SUCLG2: variants seen among roughly 807,000 people sequenced by gnomAD.
The protein encoded by SUCLG2 is succinate-CoA ligase GDP-forming subunit beta, also known as succinate--CoA ligase [GDP-forming] subunit beta, mitochondrial.
SUCLG2 carries 42 observed loss-of-function variants against 47.9 expected under a neutral mutation model. That is an observed-to-expected ratio of 0.88 (90% CI 0.69 to 1.14). The LOEUF (loss-of-function observed/expected upper bound fraction) is 1.14, where lower values mean the gene tolerates loss of function less well. Ranked by LOEUF, SUCLG2 falls within the 50% of genes most tolerant of loss-of-function variation. The pLI, the probability that SUCLG2 is intolerant of heterozygous loss-of-function variation, is 0.00. For missense variants in SUCLG2, 571 were observed against 525.9 expected (o/e 1.09, Z -0.84); for synonymous variants, 195 against 197.3 (o/e 0.99, Z 0.10).
At chr3:67,508,950 A>C (rs1559552276) in intron 6 of SUCLG2, 47 bp from the exon 7 acceptor site, 1 of 1,435,924 alleles carries the variant, frequency 7.0e-7, no homozygotes, top group Non-Finnish European at 9.5e-7. Flanking sequence ...CAGTAAAAGA[A>C]AATTTATTTT....
At chr3:67,429,205 A>G (rs968946624) in intron 9 of SUCLG2, among the ~76,000 whole-genome samples, 4 of 152,200 alleles carry the variant, frequency 2.6e-5, no homozygotes, top group Non-Finnish European at 4.4e-5. Context: ...CAGAGAGAAA[A>G]GTCGGGTTAT....
intron 2 of SUCLG2, among the ~76,000 whole-genome samples, chr3:67,584,800 G>C (rs1707970574): frequency 6.6e-6 from 1 of 152,286 alleles, no homozygotes; most frequent in African/African-American, 2.4e-5. Flanking sequence ...GCAGGAAGGG[G>C]AAGTGCCGGG....
intron 2 of SUCLG2, among the ~76,000 whole-genome samples, chr3:67,536,673 C>A (rs778050121): frequency 2.0e-5 from 3 of 152,234 alleles, no homozygotes; most frequent in Non-Finnish European, 4.4e-5. Flanking sequence ...TCCAGACAGC[C>A]AATGCAGACT....
intron 10 of SUCLG2, among the ~76,000 whole-genome samples, 176 bp downstream of exon 10, chr3:67,400,554 TA>T (rs1702658898): frequency 6.6e-6 from 1 of 152,104 alleles, no homozygotes; most frequent in Non-Finnish European, 1.5e-5. Context: ...CTTGGAGAGC[TA>T]AAAGCCACAT....
At chr3:67,420,123 C>G (rs13069691) in intron 9 of SUCLG2, among the ~76,000 whole-genome samples, 5,098 of 152,070 alleles carry the variant, frequency 0.034, 105 homozygotes, top group African/African-American at 0.057. Context: ...TACTTGCCAT[C>G]CTAAATTCAG....
intron 2 of SUCLG2, among the ~76,000 whole-genome samples, chr3:67,591,140 GT>G (rs1405470660): frequency 1.3e-5 from 2 of 152,178 alleles, no homozygotes; most frequent in African/African-American, 2.4e-5. Context: ...CCCTGGGGCT[GT>G]TTTAGATCTC....
chr3:67,373,728 CGTTT>C (rs1575653875), downstream of SUCLG2, among the ~76,000 whole-genome samples: 1 of 152,018 alleles, frequency 6.6e-6, no homozygotes, highest in African/African-American at 2.4e-5. Context: ...CTCTTTCTTT[CGTTT>C]ATTTGCTCAT....
Position 67,495,848 on chromosome 3 carries a change from T to G in SUCLG2, c.1012A>C (p.Lys338Gln). The change falls in exon 9 of 11, where the codon AAG becomes CAG. Residue 338 changes from lysine to glutamine, a missense_variant. By Grantham distance (53) the Lys-to-Gln change is moderately conservative. Transcript: ENST00000307227. Reference protein sequence around the residue: ...ANFLDLGGGVKEAQVYQAFKL... With the variant: ...ANFLDLGGGVQEAQVYQAFKL... ...AATGCTTGATATACTTGAGCTTCCT[T>G]TACACCACCTCCAAGATCCAAGAAG... 1 of 1,613,964 alleles carries G rather than the reference T, an allele frequency of 6.2e-7. No homozygotes were observed. Among genetic ancestry groups the G allele is most frequent in the Non-Finnish European group, 8.5e-7 (1 of 1,179,944 alleles).
At chr3:67,614,338 A>G (rs562427478) in intron 1 of SUCLG2, among the ~76,000 whole-genome samples, 1 of 151,690 alleles carries the variant, frequency 6.6e-6, no homozygotes, top group Non-Finnish European at 1.5e-5. Flanking sequence ...GTGTAACAGC[A>G]TCTCCTCTGA....
At chr3:67,417,513 G>A (rs766329336) in intron 9 of SUCLG2, among the ~76,000 whole-genome samples, 6 of 152,148 alleles carry the variant, frequency 3.9e-5, no homozygotes, top group Non-Finnish European at 7.3e-5. Flanking sequence ...ATAATGGTGC[G>A]ACACGATGCC....
chr3:67,545,662 C>A (rs1706843538), intron 2 of SUCLG2, among the ~76,000 whole-genome samples: 1 of 152,092 alleles, frequency 6.6e-6, no homozygotes, highest in African/African-American at 2.4e-5. Flanking sequence ...ATTTCCTTTT[C>A]TCTTTATGCC....
chr3:67,641,160 G>GC (rs1207199488), intron 1 of SUCLG2, among the ~76,000 whole-genome samples: 1 of 152,144 alleles, frequency 6.6e-6, no homozygotes, highest in South Asian at 2.1e-4. Context: ...ATAAACCTGT[G>GC]CCCCTTTCCT....
At chr3:67,444,139 T>G (rs1267186902) in intron 9 of SUCLG2, among the ~76,000 whole-genome samples, 1 of 44,494 alleles carries the variant, frequency 2.2e-5, no homozygotes, top group African/African-American at 7.2e-5. Flanking sequence ...TGGCCAGCCG[T>G]GCCGTCCGGG....
intron 1 of SUCLG2, among the ~76,000 whole-genome samples, chr3:67,650,045 C>T (rs893139321): frequency 2.6e-5 from 4 of 152,212 alleles, no homozygotes; most frequent in Admixed American, 6.5e-5. Flanking sequence ...TATCACTTAA[C>T]GGTCTTCCCC....
At chr3:67,631,483 C>A (rs1009896615) in intron 1 of SUCLG2, among the ~76,000 whole-genome samples, 1 of 152,058 alleles carries the variant, frequency 6.6e-6, no homozygotes, top group African/African-American at 2.4e-5. Flanking sequence ...CAAAAAGTAG[C>A]CGGGCGTGGT....
chr3:67,509,347 G>T (rs1705724726), intron 6 of SUCLG2, among the ~76,000 whole-genome samples: 1 of 152,184 alleles, frequency 6.6e-6, no homozygotes, highest in Non-Finnish European at 1.5e-5. Flanking sequence ...CCCATAATCT[G>T]TGAAACAACA....
intron 1 of SUCLG2, among the ~76,000 whole-genome samples, chr3:67,611,619 C>G (rs1700528228): frequency 6.6e-6 from 1 of 152,064 alleles, no homozygotes; most frequent in South Asian, 2.1e-4. Flanking sequence ...TAGATTATGT[C>G]TACGTTGACA....
intron 9 of SUCLG2, among the ~76,000 whole-genome samples, chr3:67,430,379 A>G (rs1703443235): frequency 6.6e-6 from 1 of 152,240 alleles, no homozygotes; most frequent in Admixed American, 6.5e-5. Flanking sequence ...GAAGGCAGAA[A>G]TAAAGATGTT....
rs1702017561 is a variant in SUCLG2, at chr3:67,375,572, A to C, written c.*172T>G. 1 of 1,410,258 alleles carries C rather than the reference A, an allele frequency of 7.1e-7. No individual in the cohort carries two copies. The highest frequency in any genetic ancestry group is 9.2e-7 in the Non-Finnish European group (1 of 1,085,888). The allele number at this position is 1,410,258 out of a possible 1,614,324, so 87.4% of individuals were successfully genotyped here. ...TTTTATAAAGACCAAAATCAGATTT[A>C]GGCTGTCTAGATATCTTATTCCAGA... On this transcript the variant is annotated 3_prime_UTR_variant, in exon 11 of 11. Coordinates refer to ENST00000307227, the MANE Select transcript of SUCLG2 (RefSeq NM_003848.4).
Sources: allele counts gnomAD v4.1 joint callset (sites outside exome capture counted in the v4.1 genomes callset), GRCh38; gene constraint gnomAD v4.1.1; transcripts MANE v1.5; gene names NCBI Gene and HGNC (gene_info 2026-07-23, HGNC 2026-07-21).